ATG2B: variants seen among roughly 807,000 people sequenced by gnomAD.
The protein encoded by ATG2B is autophagy-related protein 2 homolog B.
A neutral mutation model predicts 241.3 loss-of-function variants in ATG2B; 121 were observed. The observed-to-expected ratio is 0.50, with a 90% CI of 0.43 to 0.58. The LOEUF (loss-of-function observed/expected upper bound fraction) is 0.58. Among genes scored for constraint, ATG2B ranks in the 20% least tolerant of loss-of-function variants. The pLI is 0.00. For synonymous variants in ATG2B, 858 were observed against 876.6 expected (o/e 0.98, Z 0.37); for missense variants, 2,306 against 2,491.6 (o/e 0.93, Z 1.59).
chr14:96,286,332 A>G (rs1246019018), intron 41 of ATG2B, among the ~76,000 whole-genome samples: 1 of 152,210 alleles, frequency 6.6e-6, no homozygotes, highest in East Asian at 1.9e-4. Context: ...CTTCTTGAAT[A>G]TATTCACTAA....
intron 15 of ATG2B, among the ~76,000 whole-genome samples, chr14:96,324,512 C>T (rs1459594178): frequency 6.6e-6 from 1 of 152,048 alleles, no homozygotes; most frequent in Non-Finnish European, 1.5e-5. Flanking sequence ...ATGGAAAAAA[C>T]CCGTCTCTAC....
intron 34 of ATG2B, among the ~76,000 whole-genome samples, chr14:96,295,866 T>A (rs1886626095): frequency 6.6e-6 from 1 of 152,178 alleles, no homozygotes; most frequent in African/African-American, 2.4e-5. Context: ...TAAATCAAAG[T>A]ACATTTGAGT....
chr14:96,347,540 G>C (rs1325558352), intron 1 of ATG2B, among the ~76,000 whole-genome samples, 199 bp from the exon 2 acceptor site: 1 of 152,118 alleles, frequency 6.6e-6, no homozygotes, highest in African/African-American at 2.4e-5. Context: ...CAAAGTGAAG[G>C]GATAACCCGC....
At chr14:96,351,389 T>C (rs1888316054) in intron 1 of ATG2B, among the ~76,000 whole-genome samples, 1 of 152,088 alleles carries the variant, frequency 6.6e-6, no homozygotes, top group South Asian at 2.1e-4. Context: ...ATTGCTTGAG[T>C]CCAGGAATTT....
At chr14:96,328,296 C>A in intron 14 of ATG2B, 51 bp downstream of exon 14, 1 of 1,304,574 alleles carries the variant, frequency 7.7e-7, no homozygotes, top group Admixed American at 2.0e-5. Context: ...CTCAATAACC[C>A]TATTAGCTAA....
rs1473772542 is a variant in ATG2B at position 96,284,592 on chromosome 14, C to T, written c.*1163G>A. On this transcript the variant is annotated 3_prime_UTR_variant, in exon 42 of 42. Coordinates refer to ENST00000359933, the MANE Select transcript of ATG2B (RefSeq NM_018036.7). ...TCAATCTAAAGTCAGGAATTGACAA[C>T]AATTTCCCTCTTACTCCTAGGTAAT... The T allele has an allele frequency of 6.6e-6, 1 of 152,160 alleles. No individual in the cohort carries two copies. Among genetic ancestry groups the T allele is most frequent in the Non-Finnish European group, 1.5e-5 (1 of 68,028 alleles). 9.4% of individuals were successfully genotyped at this position (152,160 alleles called of 1,614,324 possible).
chr14:96,312,214 C>A lies in ATG2B; in HGVS notation c.3843-55G>T. ...GAAAAACTAAGCTTTGAGTATCATACCCCATAATCACTATATGCTTAATTG... is the reference window on the plus strand; with the variant it reads ...GAAAAACTAAGCTTTGAGTATCATAACCCATAATCACTATATGCTTAATTG... On this transcript the variant is annotated intron_variant, in intron 25 of 41. Coordinates refer to ENST00000359933, the MANE Select transcript of ATG2B (RefSeq NM_018036.7). 3 of 1,238,706 alleles carry A rather than the reference C, an allele frequency of 2.4e-6. No individual in the cohort carries two copies. The Middle Eastern group carries it at 5.7e-4, about 234-fold the overall frequency. 76.7% of individuals were successfully genotyped at this position (1,238,706 alleles called of 1,614,324 possible). A position where few individuals can be genotyped will look rare whatever the true frequency, so the allele number is the denominator to read the frequency against.
intron 5 of ATG2B, among the ~76,000 whole-genome samples, chr14:96,342,648 C>A (rs937057726): frequency 6.8e-6 from 1 of 148,132 alleles, no homozygotes; most frequent in Non-Finnish European, 1.5e-5. Context: ...CTTGAACCTG[C>A]GAGGTGGAGG....
intron 18 of ATG2B, among the ~76,000 whole-genome samples, chr14:96,319,023 T>C (rs907083174): frequency 2.0e-5 from 3 of 152,220 alleles, no homozygotes; most frequent in Non-Finnish European, 4.4e-5. Flanking sequence ...ATGATTCACA[T>C]GGAAGTGCTG....
rs145479955 is a variant in ATG2B, at chr14:96,330,677, T to C, written c.1730+699A>G. 9.5e-4 allele frequency among the ~76,000 whole-genome samples: 144 copies of C among 152,316 alleles called. 1 individual carries two copies. Among genetic ancestry groups the C allele is most frequent in the African/African-American group, 3.3e-3 (136 of 41,564 alleles). On this transcript the variant is annotated intron_variant, in intron 11 of 41. Coordinates refer to ENST00000359933, the MANE Select transcript of ATG2B (RefSeq NM_018036.7). ...TACTCAGGAGGCTGAGGCTGCAGAATAGCTTGAACCTGAGAGGCAGAGGTT... is the reference window on the plus strand; with the variant it reads ...TACTCAGGAGGCTGAGGCTGCAGAACAGCTTGAACCTGAGAGGCAGAGGTT...
At chr14:96,288,461 T>C (rs1886397274) in intron 41 of ATG2B, among the ~76,000 whole-genome samples, 1 of 152,212 alleles carries the variant, frequency 6.6e-6, no homozygotes, top group Admixed American at 6.5e-5. Context: ...GCTGGCTCAA[T>C]CCTGACATCT....
chr14:96,287,324 T>C (rs1886366172), intron 41 of ATG2B, among the ~76,000 whole-genome samples: 1 of 150,004 alleles, frequency 6.7e-6, no homozygotes, highest in Non-Finnish European at 1.5e-5. Context: ...AAAAACTATC[T>C]AGAGGATAAC....
chr14:96,345,428 T>TA, intron 2 of ATG2B, 43 bp from the exon 3 acceptor site: 3 of 1,427,028 alleles, frequency 2.1e-6, no homozygotes, highest in Non-Finnish European at 2.8e-6. Flanking sequence ...TCTTAAGAGT[T>TA]ACAACAATGC....
intron 11 of ATG2B, among the ~76,000 whole-genome samples, chr14:96,329,973 A>G (rs1366524204): frequency 6.6e-6 from 1 of 152,112 alleles, no homozygotes; most frequent in Non-Finnish European, 1.5e-5. Context: ...GTGAAGCCCA[A>G]ATGAGGTCTA....
At chr14:96,351,893 C>T (rs1267478977) in intron 1 of ATG2B, among the ~76,000 whole-genome samples, 1 of 112,804 alleles carries the variant, frequency 8.9e-6, no homozygotes, top group African/African-American at 3.6e-5. Context: ...CACAGCAAGA[C>T]CTTGTCTCAA....
chr14:96,289,793 T>A lies in ATG2B; in HGVS notation c.5869A>T (p.Thr1957Ser). The change falls in exon 41 of 42, where the codon ACT (threonine) becomes TCT (serine). Residue 1957 changes from threonine to serine, a missense_variant. This residue lies in a region of ATG2B where 379 missense variants were observed against 480.4 expected (regional missense o/e 0.79). Transcript: ENST00000359933. The surrounding 1 kb of genome is among the most constrained non-coding windows in gnomAD (Gnocchi z 4.3). ...MVQTIQAAAE[T>S]AYDMVSPGTL... is the part of the protein sequence containing the mutation. Reference sequence around the variant, plus strand: ...CCAGGAGACACCATATCATAAGCAGTCTCTGCAGCTGCCTGGATCATTTTG... The same window carrying A: ...CCAGGAGACACCATATCATAAGCAGACTCTGCAGCTGCCTGGATCATTTTG... The A allele has an allele frequency of 6.2e-7, 1 of 1,614,004 alleles. No individual in the cohort carries two copies. The highest frequency in any genetic ancestry group is 1.1e-5 in the South Asian group (1 of 91,060).
Position 96,309,579 on chromosome 14 carries a change from G to A in ATG2B, c.4177C>T (p.Arg1393Ter), listed in dbSNP as rs1486909707. The A allele has an allele frequency of 1.2e-6, 2 of 1,612,110 alleles. No homozygotes were observed. Among genetic ancestry groups the A allele is most frequent in the South Asian group, 1.1e-5 (1 of 90,768 alleles). Residue 1393 changes from arginine to a stop codon, truncating the protein, a stop_gained, in exon 29 of 42, where the codon CGA becomes TGA. Coordinates refer to ENST00000359933, the MANE Select transcript of ATG2B (RefSeq NM_018036.7). LOFTEE classifies it high-confidence loss of function. ...AGTACTGGACCACGTGAGGATGATC[G>A]ACCACTGGAATCTACCTATAGCCAA... ...QRRSKVDSSG[R>*]SSSRGPVLPE...
chr14:96,363,222 C>A lies in ATG2B; in HGVS notation c.-246G>T. 2.1e-6 allele frequency: 1 copy of A among 482,930 alleles called. No individual in the cohort carries two copies. The highest frequency in any genetic ancestry group is 3.7e-6 in the Non-Finnish European group (1 of 269,796). 29.9% of individuals were successfully genotyped at this position (482,930 alleles called of 1,614,324 possible). A position where few individuals can be genotyped will look rare whatever the true frequency, so the allele number is the denominator to read the frequency against. ...GGCCAGGGGACTTCCGAGGAGGGTC[C>A]CAACCGGCTCGGAGAGAGTGCAAGA... On this transcript the variant is annotated 5_prime_UTR_variant, in exon 1 of 42. It introduces an in-frame stop codon into an upstream open reading frame of the 5' UTR. Coordinates refer to ENST00000359933, the MANE Select transcript of ATG2B (RefSeq NM_018036.7).
In ATG2B at chr14:96,344,757, C is replaced by T. The variant is rs748631220; in HGVS notation, c.479-1G>A. 7.0e-7 allele frequency: 1 copy of T among 1,437,074 alleles called. No homozygotes were observed. Among genetic ancestry groups the T allele is most frequent in the South Asian group, 1.3e-5 (1 of 78,064 alleles). The allele number at this position is 1,437,074 out of a possible 1,614,324, so 89.0% of individuals were successfully genotyped here. The stretch of plus-strand genomic sequence containing the variant: ...AAAGTGACTTTTACTCTTCTTAGTA[C>T]TAAAGTAAACAAGTAATTGTCAACG... On this transcript the variant is annotated splice_acceptor_variant, in intron 3 of 41. Transcript: ENST00000359933. LOFTEE classifies it high-confidence loss of function.
Sources: allele counts gnomAD v4.1 joint callset (sites outside exome capture counted in the v4.1 genomes callset), GRCh38; gene constraint gnomAD v4.1.1; regional missense constraint gnomAD v4.1.1; non-coding constraint Gnocchi (gnomAD v3.1); transcripts MANE v1.5; gene names NCBI Gene and HGNC (gene_info 2026-07-23, HGNC 2026-07-21).